Variants in PRKCZ observed in about 807,000 individuals in gnomAD.
PRKCZ encodes protein kinase C zeta type.
A neutral mutation model predicts 79.5 loss-of-function variants in PRKCZ; 33 were observed. The observed-to-expected ratio is 0.41, with a 90% CI of 0.31 to 0.55. PRKCZ has a LOEUF of 0.55. Ranked by LOEUF, PRKCZ falls within the 20% of genes least tolerant of loss-of-function variation. The pLI, the probability that PRKCZ is intolerant of heterozygous loss-of-function variation, is 0.19. For synonymous variants in PRKCZ, 342 were observed against 320.9 expected (o/e 1.07, Z -0.70); for missense variants, 578 against 813.5 (o/e 0.71, Z 3.52).
rs1181384309 is a variant in PRKCZ at position 2,128,412 on chromosome 1, G to C, written c.335-6850G>C. Among the ~76,000 whole-genome samples, 1 of 152,240 alleles carries C rather than the reference G, an allele frequency of 6.6e-6. No individual in the cohort carries two copies. Among genetic ancestry groups the C allele is most frequent in the African/African-American group, 2.4e-5 (1 of 41,456 alleles). ...CCACCGCACCCAAGGGCTGTCGCCT[G>C]TCCCAGCCTGCTGCTCCGAGTTTAG... On this transcript the variant is annotated intron_variant, in intron 4 of 17. Transcript: ENST00000378567. This position sits in a 1 kb window ranked among gnomAD's most constrained non-coding sequence, Gnocchi z 6.5.
chr1:2,072,693 C>A lies in PRKCZ; in HGVS notation c.334+13102C>A, dbSNP rs147275122. Among the ~76,000 whole-genome samples the A allele has an allele frequency of 1.8e-4, 27 of 152,214 alleles. 1 individual carries two copies. The East Asian group carries it at 4.8e-3, about 27-fold the overall frequency. On this transcript the variant is annotated intron_variant, in intron 4 of 17. Transcript: ENST00000378567. ...TGAAAGGTTCGCTGTGGGACAAGTC[C>A]TTTGCTGTCTCTAGGAATCGGTTGG...
intron 4 of PRKCZ, chr1:2,073,497 G>C (rs1878749): frequency 0.01 from 4,738 of 471,314 alleles, 196 homozygotes; most frequent in African/African-American, 0.095. Flanking sequence ...GGGCTTAGCT[G>C]GGTTCTGTTC....
chr1:2,069,661 C>G (rs1311922162), intron 4 of PRKCZ, among the ~76,000 whole-genome samples: 1 of 152,156 alleles, frequency 6.6e-6, no homozygotes, highest in African/African-American at 2.4e-5. Context: ...GGTGGGCGGT[C>G]CCCTGAACCC....
At chr1:2,115,009 C>T (rs539927566) in intron 4 of PRKCZ, among the ~76,000 whole-genome samples, 8 of 152,396 alleles carry the variant, frequency 5.2e-5, no homozygotes, top group Admixed American at 1.3e-4. Context: ...ATAGCTGATC[C>T]GTGTGTAGCT....
chr1:2,184,637 G>A lies in PRKCZ; in HGVS notation c.1630G>A (p.Gly544Ser), dbSNP rs1403459055. Residue 544 changes from glycine (G) to serine (S), a missense_variant, in exon 17 of 18, where the codon GGT becomes AGT. Coordinates refer to ENST00000378567, the MANE Select transcript of PRKCZ (RefSeq NM_002744.6). Reference protein sequence around the residue: ...PFQPQITDDYGLDNFDTQFTS... With the variant: ...PFQPQITDDYSLDNFDTQFTS... ...CCAGCCACAGATCACAGACGACTAC[G>A]GTCTGGACAACTTTGACACACAGTT... is the stretch of plus-strand genomic sequence containing the variant. 2.5e-6 allele frequency: 4 copies of A among 1,614,032 alleles called. No homozygotes were observed. The highest frequency in any genetic ancestry group is 1.7e-5 in the Admixed American group (1 of 60,002).
At chr1:2,144,744 C>A in intron 6 of PRKCZ, 1 of 700,210 alleles carries the variant, frequency 1.4e-6, no homozygotes, top group Non-Finnish European at 1.8e-6. Context: ...CCCTGGCATC[C>A]CCCCTGGGAA....
intron 10 of PRKCZ, among the ~76,000 whole-genome samples, chr1:2,157,690 G>A (rs1233396234): frequency 6.7e-6 from 1 of 149,758 alleles, no homozygotes; most frequent in African/African-American, 2.5e-5. Context: ...ACAGGCATGA[G>A]TGACTGAGCC....
chr1:2,127,371 G>A lies in PRKCZ; in HGVS notation c.335-7891G>A, dbSNP rs1332758118. ...GCTTGCGATCCGGGCAGGTCCCTCA[G>A]ATGGAGGGGCTGCACCTCCACTGCC... On this transcript the variant is annotated intron_variant, in intron 4 of 17. Transcript: ENST00000378567. The surrounding 1 kb of genome is among the most constrained non-coding windows in gnomAD (Gnocchi z 5.1). 6.6e-6 allele frequency among the ~76,000 whole-genome samples: 1 copy of A among 152,144 alleles called. No individual in the cohort carries two copies. The highest frequency in any genetic ancestry group is 1.5e-5 in the Non-Finnish European group (1 of 68,022).
intron 1 of PRKCZ, among the ~76,000 whole-genome samples, chr1:2,052,152 C>T (rs1294400452): frequency 6.6e-6 from 1 of 152,126 alleles, no homozygotes; most frequent in Non-Finnish European, 1.5e-5. Context: ...CAGGGGAGTC[C>T]TGCGAGAGGG....
At chr1:2,138,907 G>A (rs1158511751) in intron 5 of PRKCZ, among the ~76,000 whole-genome samples, 1 of 152,240 alleles carries the variant, frequency 6.6e-6, no homozygotes, top group East Asian at 1.9e-4. Flanking sequence ...GGGCGACAGA[G>A]TGAGACTCCG....
chr1:2,143,496 A>G (rs539621034), intron 5 of PRKCZ: 2 of 152,408 alleles, frequency 1.3e-5, no homozygotes, highest in African/African-American at 4.8e-5. Flanking sequence ...CTTTACTCCC[A>G]GGAACACTTT....
intron 4 of PRKCZ, among the ~76,000 whole-genome samples, chr1:2,087,002 CG>C (rs1664640868): frequency 6.6e-6 from 1 of 152,140 alleles, no homozygotes; most frequent in African/African-American, 2.4e-5. Flanking sequence ...TGTTGTCTTT[CG>C]TGGGGTTATG....
rs572699970 is a variant in PRKCZ, at chr1:2,122,760, T to C, written c.335-12502T>C. Among the ~76,000 whole-genome samples, 9 of 5,980 alleles carry C rather than the reference T, an allele frequency of 1.5e-3. 1 individual carries two copies. Among genetic ancestry groups the C allele is most frequent in the African/African-American group, 6.4e-3 (5 of 776 alleles). 3.9% of individuals were successfully genotyped at this position (5,980 alleles called of 152,430 possible). A position where few individuals can be genotyped will look rare whatever the true frequency, so the allele number is the denominator to read the frequency against. ...TTAGGGTCGTGGCGGTGGTTAGGGT[T>C]GTGGTGGTTAGGGTTGTGGTGGTTA... On this transcript the variant is annotated intron_variant, in intron 4 of 17. Transcript: ENST00000378567.
chr1:2,109,652 T>TG (rs1669320404), intron 4 of PRKCZ, among the ~76,000 whole-genome samples: 1 of 152,124 alleles, frequency 6.6e-6, no homozygotes, highest in Non-Finnish European at 1.5e-5. Context: ...GACACGGGGT[T>TG]GCGGCAGCTC....
intron 10 of PRKCZ, among the ~76,000 whole-genome samples, chr1:2,160,238 C>CGTGTGTGTGTGTGTGT (rs56068331): frequency 1.2e-4 from 18 of 146,468 alleles, no homozygotes; most frequent in African/African-American, 4.1e-4. Flanking sequence ...CAGCAGTGTG[C>CGTGTGTGTGTGTGTGT]GTGTGTGTGT....
chr1:2,107,847 C>G (rs1254897493), intron 4 of PRKCZ, among the ~76,000 whole-genome samples: 1 of 150,924 alleles, frequency 6.6e-6, no homozygotes, highest in Non-Finnish European at 1.5e-5. Flanking sequence ...GGATTCCCCC[C>G]AGGGCAGTGT....
At chr1:2,048,659 A>AGGAT (rs1366155597), upstream of PRKCZ, among the ~76,000 whole-genome samples, 1 of 152,078 alleles carries the variant, frequency 6.6e-6, no homozygotes, top group Admixed American at 6.5e-5. Flanking sequence ...GCTCATTAGG[A>AGGAT]GGATGCCTGG....
intron 16 of PRKCZ, 180 bp from the exon 17 acceptor site, chr1:2,184,403 A>G: frequency 1.8e-6 from 1 of 567,906 alleles, no homozygotes; most frequent in Non-Finnish European, 3.1e-6. Context: ...AATTTTTCTG[A>G]CTTTGGATAT....
At chr1:2,182,052 C>G (rs758531482) in intron 16 of PRKCZ, 1 of 331,832 alleles carries the variant, frequency 3.0e-6, no homozygotes, top group Non-Finnish European at 6.1e-6. Flanking sequence ...ACGTGTCCAG[C>G]CTTACGTGGA....
Sources: gnomAD v4.1 joint callset for allele counts (sites outside exome capture counted in the v4.1 genomes callset) on GRCh38, gnomAD v4.1.1 for gene constraint, Gnocchi (gnomAD v3.1) non-coding constraint, MANE v1.5 for transcripts, NCBI Gene and HGNC (gene_info 2026-07-23, HGNC 2026-07-21) for gene names.